The following P2RX3 variants were observed in gnomAD, a reference collection of about 807,000 sequenced individuals.
P2RX3 encodes P2X purinoceptor 3.
P2RX3 carries 41 observed loss-of-function variants against 51.5 expected under a neutral mutation model. The ratio of observed to expected loss-of-function variants is 0.80; its 90% CI spans 0.62 to 1.03. The LOEUF (loss-of-function observed/expected upper bound fraction) is 1.03, where lower values mean the gene tolerates loss of function less well. Among genes scored for constraint, P2RX3 ranks in the 50% least tolerant of loss-of-function variants. The pLI, the probability that P2RX3 is intolerant of heterozygous loss-of-function variation, is 0.00. For synonymous variants in P2RX3, 185 were observed against 191.6 expected (o/e 0.97, Z 0.29); for missense variants, 459 against 522.1 (o/e 0.88, Z 1.18).
At chr11:57,347,610 G>T (rs1856463433) in intron 4 of P2RX3, 132 bp downstream of exon 4, 3 of 1,015,938 alleles carry the variant, frequency 3.0e-6, no homozygotes, top group East Asian at 2.6e-5. Flanking sequence ...GTTGCTCCCT[G>T]GGTGCCACAC....
At chr11:57,356,151 G>A (rs1249900735) in intron 8 of P2RX3, among the ~76,000 whole-genome samples, 1 of 152,110 alleles carries the variant, frequency 6.6e-6, no homozygotes, top group Non-Finnish European at 1.5e-5. Flanking sequence ...CACCCCCAAG[G>A]TAGGCTCAGA....
At position 57,338,448 on chromosome 11, in the gene P2RX3, G is replaced by A. The variant is rs1288637377; in HGVS notation, c.-103G>A. ...CCCATTCCTCCAACCCCTCTAAGCT[G>A]CCCCCTCCAGGTCGTGATCTCGTCT... is the stretch of plus-strand genomic sequence containing the variant. On this transcript the variant is annotated 5_prime_UTR_variant, in exon 1 of 12. Coordinates refer to ENST00000263314, the MANE Select transcript of P2RX3 (RefSeq NM_002559.5). 1.3e-5 allele frequency: 9 copies of A among 678,812 alleles called. No homozygotes were observed. The highest frequency in any genetic ancestry group is 2.3e-5 in the Non-Finnish European group (9 of 384,946). 42.0% of individuals were successfully genotyped at this position (678,812 alleles called of 1,614,324 possible). A position where few individuals can be genotyped will look rare whatever the true frequency, so the allele number is the denominator to read the frequency against.
At chr11:57,360,663 T>C (rs1173100036) in intron 8 of P2RX3, among the ~76,000 whole-genome samples, 1 of 151,326 alleles carries the variant, frequency 6.6e-6, no homozygotes, top group Non-Finnish European at 1.5e-5. Context: ...GGCATGGTGG[T>C]GCACACCTGT....
intron 1 of P2RX3, among the ~76,000 whole-genome samples, chr11:57,345,557 G>C (rs1033694160): frequency 6.6e-6 from 1 of 152,192 alleles, no homozygotes; most frequent in Non-Finnish European, 1.5e-5. Flanking sequence ...AGGCAATCTT[G>C]CCAAAGGCTG....
At chr11:57,356,029 A>C (rs185407734) in intron 8 of P2RX3, among the ~76,000 whole-genome samples, 9 of 152,328 alleles carry the variant, frequency 5.9e-5, no homozygotes, top group Non-Finnish European at 1.0e-4. Context: ...ATTCTAAAAA[A>C]TAAATAATAA....
chr11:57,342,321 G>A lies in P2RX3; in HGVS notation c.119+3652G>A, dbSNP rs569044228. Among the ~76,000 whole-genome samples the A allele has an allele frequency of 2.3e-3, 357 of 151,996 alleles. 2 individuals carry two copies. The highest frequency in any genetic ancestry group is 7.5e-3 in the African/African-American group (310 of 41,426). ...ATTACAGGCCTGTGCCACGACGCCC[G>A]GCTAATTTTTGTATTTTTAGTAGAG... On this transcript the variant is annotated intron_variant, in intron 1 of 11. Transcript: ENST00000263314.
chr11:57,336,947 C>T (rs1232770104), upstream of P2RX3, among the ~76,000 whole-genome samples: 1 of 152,056 alleles, frequency 6.6e-6, no homozygotes, highest in African/African-American at 2.4e-5. Context: ...ATATTGAGGG[C>T]CTATTACTAC....
chr11:57,339,537 G>A (rs75479227), intron 1 of P2RX3, among the ~76,000 whole-genome samples: 12 of 142,562 alleles, frequency 8.4e-5, no homozygotes, highest in Admixed American at 5.5e-4. Flanking sequence ...ACACACACAC[G>A]CACACAAAGG....
intron 8 of P2RX3, among the ~76,000 whole-genome samples, chr11:57,353,923 C>A (rs1856588894): frequency 1.4e-5 from 2 of 145,410 alleles, no homozygotes; most frequent in South Asian, 4.3e-4. Flanking sequence ...GTTCCCCTTG[C>A]AGTCACCCAG....
Position 57,369,877 on chromosome 11 carries a change from C to T in P2RX3, c.1081-7C>T, listed in dbSNP as rs1406331487. On this transcript the variant is annotated splice_region_variant and splice_polypyrimidine_tract_variant and intron_variant, in intron 11 of 11. Coordinates refer to ENST00000263314, the MANE Select transcript of P2RX3 (RefSeq NM_002559.5). The stretch of plus-strand genomic sequence containing the variant: ...GAACTTGACAACACCAGCTCTTTCG[C>T]CTGCAGGTGAATGAGACTACGCTGA... The T allele has an allele frequency of 1.3e-6, 2 of 1,595,700 alleles. No individual in the cohort carries two copies. The highest frequency in any genetic ancestry group is 2.2e-5 in the South Asian group (2 of 90,412).
At chr11:57,343,374 A>T (rs1254879892) in intron 1 of P2RX3, among the ~76,000 whole-genome samples, 1 of 152,224 alleles carries the variant, frequency 6.6e-6, no homozygotes, top group Admixed American at 6.5e-5. Context: ...CTGGTAGGAA[A>T]AGCACAGGGT....
chr11:57,360,521 G>A (rs781212162), intron 8 of P2RX3, among the ~76,000 whole-genome samples: 2 of 152,114 alleles, frequency 1.3e-5, no homozygotes, highest in Admixed American at 6.5e-5. Context: ...GAGGCCAGGC[G>A]CGGTGGCTCA....
intron 2 of P2RX3, 147 bp from the exon 3 acceptor site, chr11:57,346,969 T>C (rs1046529505): frequency 1.1e-6 from 1 of 871,742 alleles, no homozygotes; most frequent in East Asian, 2.6e-5. Context: ...GAGCCAGCTC[T>C]GCCCCTCACC....
At chr11:57,340,715 T>C (rs1002283716) in intron 1 of P2RX3, 2 of 152,214 alleles carry the variant, frequency 1.3e-5, no homozygotes, top group Non-Finnish European at 2.9e-5. Context: ...CAACTGTGGC[T>C]TAGAGGTGCA....
chr11:57,363,452 A>G (rs890344161), intron 8 of P2RX3, among the ~76,000 whole-genome samples: 2 of 152,142 alleles, frequency 1.3e-5, no homozygotes, highest in African/African-American at 4.8e-5. Context: ...GGCTCCTGCC[A>G]TCTTGACTCA....
chr11:57,359,077 G>A (rs976176050), intron 8 of P2RX3, among the ~76,000 whole-genome samples: 1 of 152,150 alleles, frequency 6.6e-6, no homozygotes, highest in African/African-American at 2.4e-5. Context: ...CATGGGAGTC[G>A]AGGCACACAG....
chr11:57,348,491 C>T, intron 5 of P2RX3, 136 bp from the exon 6 acceptor site: 2 of 748,608 alleles, frequency 2.7e-6, no homozygotes, highest in South Asian at 3.5e-5. Flanking sequence ...CTTCCTATAG[C>T]CCACTCTCAA....
chr11:57,345,077 G>A (rs551978398), intron 1 of P2RX3, among the ~76,000 whole-genome samples: 58 of 152,334 alleles, frequency 3.8e-4, no homozygotes, highest in African/African-American at 1.3e-3. Flanking sequence ...GTGACTTTCC[G>A]CAGCAGGCGG....
chr11:57,348,098 G>T, intron 4 of P2RX3, 72 bp from the exon 5 acceptor site: 1 of 1,341,214 alleles, frequency 7.5e-7, no homozygotes, highest in Non-Finnish European at 1.0e-6. Context: ...TGGGGGGAAG[G>T]GAAGAGGGAG....
Sources: allele counts gnomAD v4.1 joint callset (sites outside exome capture counted in the v4.1 genomes callset), GRCh38; gene constraint gnomAD v4.1.1; transcripts MANE v1.5; gene names NCBI Gene and HGNC (gene_info 2026-07-23, HGNC 2026-07-21).